The following TMEM132D variants were observed in gnomAD, a reference collection of about 807,000 sequenced individuals.
The protein encoded by TMEM132D is mature OL transmembrane protein.
In TMEM132D, 21 loss-of-function variants were observed where a neutral mutation model predicts 62.3. The ratio of observed to expected loss-of-function variants is 0.34; its 90% confidence interval spans 0.24 to 0.49. TMEM132D has a LOEUF of 0.49. Among genes scored for constraint, TMEM132D ranks in the 20% least tolerant of loss-of-function variants. The pLI is 0.99. For synonymous variants in TMEM132D, 621 were observed against 575.6 expected, an observed-to-expected ratio of 1.08 and a Z score of -1.13; for missense variants, 1,346 against 1,402.8, an observed-to-expected ratio of 0.96 and a Z score of 0.65.
intron 1 of TMEM132D, among the ~76,000 whole-genome samples, chr12:129,894,611 T>C (rs1397314632): frequency 6.6e-6 from 1 of 152,224 alleles, no homozygotes; most frequent in East Asian, 1.9e-4. Flanking sequence ...AGCATGAGGA[T>C]ATTCCACATC....
intron 3 of TMEM132D, among the ~76,000 whole-genome samples, chr12:129,390,149 A>C (rs999860442): frequency 2.6e-5 from 4 of 152,154 alleles, no homozygotes; most frequent in Non-Finnish European, 5.9e-5. Context: ...AGTTGCCAAT[A>C]GCTTTTCTGT....
At chr12:129,532,936 T>C (rs1290441811) in intron 2 of TMEM132D, among the ~76,000 whole-genome samples, 2 of 152,214 alleles carry the variant, frequency 1.3e-5, no homozygotes, top group Non-Finnish European at 2.9e-5. Flanking sequence ...CTTTTCCCTC[T>C]GCGGACCATG....
At chr12:129,389,864 G>T (rs1033215783) in intron 3 of TMEM132D, among the ~76,000 whole-genome samples, 3 of 152,202 alleles carry the variant, frequency 2.0e-5, no homozygotes, top group African/African-American at 7.2e-5. Flanking sequence ...AGGCCAAATA[G>T]CTGACCAGGA....
At chr12:129,091,424 T>A (rs1489865311) in intron 5 of TMEM132D, among the ~76,000 whole-genome samples, 3 of 150,326 alleles carry the variant, frequency 2.0e-5, no homozygotes, top group East Asian at 3.9e-4. Context: ...TCTGAGGACC[T>A]TACCTATCCT....
chr12:129,682,876 A>G (rs1189025166), intron 2 of TMEM132D: 2 of 150,996 alleles, frequency 1.3e-5, no homozygotes, highest in East Asian at 3.9e-4. Flanking sequence ...AAAAAAAAAA[A>G]AAAAAAGAGA....
intron 3 of TMEM132D, among the ~76,000 whole-genome samples, chr12:129,347,253 C>G (rs747784023): frequency 6.6e-5 from 10 of 152,184 alleles, no homozygotes; most frequent in Admixed American, 3.3e-4. Flanking sequence ...ATAGCCAAGA[C>G]AGTCCTAAGC....
Position 129,133,163 on chromosome 12 carries a change from T to A in TMEM132D, c.1444-48461A>T, listed in dbSNP as rs375943771. Among the ~76,000 whole-genome samples the A allele has an allele frequency of 4.9e-5, 7 of 144,038 alleles. 2 individuals are homozygous for A. The highest frequency in any genetic ancestry group is 1.9e-4 in the East Asian group (1 of 5,184). The allele number at this position is 144,038 out of a possible 152,430, so 94.5% of individuals were successfully genotyped here. A position where few individuals can be genotyped will look rare whatever the true frequency, so the allele number is the denominator to read the frequency against. The stretch of plus-strand genomic sequence containing the variant: ...TTCCCAGGCAGCAGATCTGCATCTA[T>A]TTTTTTTCTAAAATTGTGATAAGAA... On this transcript the variant is annotated intron_variant, in intron 5 of 8. Transcript: ENST00000422113.
chr12:129,398,895 C>A (rs76253056), intron 3 of TMEM132D, among the ~76,000 whole-genome samples: 3,433 of 152,002 alleles, frequency 0.023, 133 homozygotes, highest in African/African-American at 0.078. Context: ...TTGTCTTAGT[C>A]TGTTTTGTGC....
intron 5 of TMEM132D, among the ~76,000 whole-genome samples, chr12:129,147,628 C>A (rs567658820): frequency 2.0e-5 from 3 of 152,080 alleles, no homozygotes; most frequent in Non-Finnish European, 4.4e-5. Flanking sequence ...TGTTAGACAA[C>A]GTATTCGTGT....
intron 3 of TMEM132D, among the ~76,000 whole-genome samples, chr12:129,403,414 T>G (rs1871678406): frequency 6.6e-6 from 1 of 151,004 alleles, no homozygotes; most frequent in African/African-American, 2.4e-5. Flanking sequence ...AACACAGATG[T>G]TAGGGGTGAC....
At chr12:129,620,955 C>T (rs111474650) in intron 2 of TMEM132D, among the ~76,000 whole-genome samples, 2 of 152,228 alleles carry the variant, frequency 1.3e-5, no homozygotes, top group African/African-American at 4.8e-5. Context: ...ATCTGCACAT[C>T]CTGCACATGT....
chr12:129,806,988 T>C (rs1256236742), intron 1 of TMEM132D, among the ~76,000 whole-genome samples: 3 of 152,072 alleles, frequency 2.0e-5, no homozygotes, highest in East Asian at 3.9e-4. Flanking sequence ...GAGCCAAGAC[T>C]GCACCACTGC....
intron 3 of TMEM132D, among the ~76,000 whole-genome samples, chr12:129,432,295 ATGGATGGATGGATGGATGGATG>A (rs1872683143): frequency 2.8e-5 from 1 of 35,378 alleles, no homozygotes; most frequent in Non-Finnish European, 5.3e-5. Context: ...GGATGCTTGG[ATGGATGGATGGATGGATGGATG>A]CTTGGATGGA....
chr12:129,377,647 G>A (rs573070750), intron 3 of TMEM132D, among the ~76,000 whole-genome samples: 484 of 152,250 alleles, frequency 3.2e-3, no homozygotes, highest in Non-Finnish European at 5.3e-3. Context: ...ATATTTAGAG[G>A]AACTGTGTAT....
chr12:129,116,918 C>CA (rs60513263), intron 5 of TMEM132D, among the ~76,000 whole-genome samples: 1,641 of 59,024 alleles, frequency 0.028, 262 homozygotes, highest in African/African-American at 0.1. Flanking sequence ...AAAATTTCCG[C>CA]AAAAAAAAAA....
At chr12:129,806,701 GA>G (rs1365746009) in intron 1 of TMEM132D, among the ~76,000 whole-genome samples, 2 of 151,194 alleles carry the variant, frequency 1.3e-5, no homozygotes, top group African/African-American at 4.9e-5. Context: ...AATAATAAAA[GA>G]AAAAAATAAA....
At chr12:129,883,067 G>T (rs559446411) in intron 1 of TMEM132D, among the ~76,000 whole-genome samples, 1 of 152,136 alleles carries the variant, frequency 6.6e-6, no homozygotes, top group Non-Finnish European at 1.5e-5. Context: ...AGAAGGAGGG[G>T]TGTGGACAGG....
chr12:129,219,333 C>T (rs1449022665), intron 4 of TMEM132D, among the ~76,000 whole-genome samples: 1 of 152,206 alleles, frequency 6.6e-6, no homozygotes, highest in Non-Finnish European at 1.5e-5. Flanking sequence ...CATGCCCTTG[C>T]TTCCCCAGCC....
chr12:129,627,127 A>G (rs1177925716), intron 2 of TMEM132D, among the ~76,000 whole-genome samples: 1 of 152,188 alleles, frequency 6.6e-6, no homozygotes, highest in African/African-American at 2.4e-5. Flanking sequence ...ATCTTACACC[A>G]TCTTTACACA....
Sources: allele counts gnomAD v4.1 joint callset (sites outside exome capture counted in the v4.1 genomes callset), GRCh38; gene constraint gnomAD v4.1.1; transcripts MANE v1.5; gene names NCBI Gene and HGNC (gene_info 2026-07-23, HGNC 2026-07-21).